The following SEL1L2 variants were observed in gnomAD, a reference collection of about 807,000 sequenced individuals.
SEL1L2 encodes SEL1L2 adaptor subunit of SYVN1 ubiquitin ligase, also known as protein sel-1 homolog 2.
Under a neutral mutation model 98.8 loss-of-function variants are expected in SEL1L2, and 89 were observed. The ratio of observed to expected loss-of-function variants is 0.90; its 90% CI spans 0.76 to 1.07. The LOEUF is 1.07. SEL1L2 is among the 50% of genes least tolerant of loss of function. The probability of loss-of-function intolerance (pLI) is 0.00; values close to 1 mark genes in which losing one functional copy is unlikely to be tolerated. For synonymous variants in SEL1L2, 262 were observed against 278.5 expected (o/e 0.94, Z 0.59); for missense variants, 788 against 812.0 (o/e 0.97, Z 0.36).
At chr20:13,951,360 A>G (rs2050261919) in intron 2 of SEL1L2, among the ~76,000 whole-genome samples, 1 of 139,110 alleles carries the variant, frequency 7.2e-6, no homozygotes, top group South Asian at 2.4e-4. Context: ...CACTCCTGTA[A>G]TCCCAGCACT....
chr20:13,865,484 A>G lies in SEL1L2; in HGVS notation c.1435T>C (p.Trp479Arg). The G allele has an allele frequency of 6.2e-7, 1 of 1,614,116 alleles. No homozygotes were observed. Among genetic ancestry groups the G allele is most frequent in the Non-Finnish European group, 8.5e-7 (1 of 1,179,986 alleles). Residue 479 changes from tryptophan (W) to arginine (R), a missense_variant, in exon 16 of 20, where the codon TGG (tryptophan) becomes CGG (arginine). Physicochemically the swap from Trp to Arg is moderately radical, Grantham distance 101 (BLOSUM62 -3). Coordinates refer to ENST00000284951, the MANE Select transcript of SEL1L2 (RefSeq NM_025229.2). ...TAAGCTGTCAGGAATTTCTCAGCCC[A>G]GTGGCCTAGTTCACAGACACCTTTA... ...LYKGVCELGH[W>R]AEKFLTAYFA...
chr20:13,923,305 C>T (rs2048740364), intron 3 of SEL1L2, among the ~76,000 whole-genome samples: 2 of 152,108 alleles, frequency 1.3e-5, no homozygotes, highest in African/African-American at 4.8e-5. Context: ...TGACACTTTC[C>T]AGACATAAAA....
chr20:13,951,396 C>T (rs1390631653), intron 2 of SEL1L2, among the ~76,000 whole-genome samples: 1 of 147,194 alleles, frequency 6.8e-6, no homozygotes, highest in Non-Finnish European at 1.5e-5. Context: ...AGATGGATCA[C>T]GAGGTCAGGA....
chr20:13,877,382 A>T, intron 11 of SEL1L2, 138 bp downstream of exon 11: 1 of 601,108 alleles, frequency 1.7e-6, no homozygotes, highest in South Asian at 2.2e-5. Flanking sequence ...CGTGTTGCCC[A>T]GGCTGGTTGC....
intron 14 of SEL1L2, among the ~76,000 whole-genome samples, chr20:13,869,038 C>T (rs1241381380): frequency 6.6e-6 from 1 of 151,828 alleles, no homozygotes; most frequent in African/African-American, 2.4e-5. Flanking sequence ...CTTGGCTTTC[C>T]ATTCTTCTCA....
chr20:13,980,535 GA>G (rs1394089751), intron 1 of SEL1L2, among the ~76,000 whole-genome samples: 2 of 152,138 alleles, frequency 1.3e-5, no homozygotes, highest in Non-Finnish European at 2.9e-5. Flanking sequence ...TATACACTGT[GA>G]GTGGGAATAT....
chr20:13,929,940 G>A (rs909236262), intron 3 of SEL1L2, among the ~76,000 whole-genome samples: 4 of 152,148 alleles, frequency 2.6e-5, no homozygotes, highest in African/African-American at 9.7e-5. Context: ...ACAGGCACAT[G>A]CCACCACACC....
intron 1 of SEL1L2, among the ~76,000 whole-genome samples, chr20:13,965,956 C>CAAAA (rs199731856): frequency 3.1e-3 from 338 of 110,238 alleles, no homozygotes; most frequent in Middle Eastern, 0.011. Context: ...GATTCTGTCT[C>CAAAA]AAAAAAAAAA....
intron 1 of SEL1L2, among the ~76,000 whole-genome samples, chr20:13,960,274 T>G (rs1394699423): frequency 1.3e-5 from 2 of 152,144 alleles, no homozygotes; most frequent in Admixed American, 1.3e-4. Flanking sequence ...AGATATTAAA[T>G]GGAGTGAAGT....
chr20:13,938,503 C>T (rs370526779), intron 2 of SEL1L2, among the ~76,000 whole-genome samples: 22 of 152,288 alleles, frequency 1.4e-4, no homozygotes, highest in African/African-American at 5.1e-4. Context: ...AAACAACACA[C>T]AATTTAACTT....
intron 2 of SEL1L2, among the ~76,000 whole-genome samples, chr20:13,945,705 A>T (rs2049976993): frequency 6.6e-6 from 1 of 152,084 alleles, no homozygotes; most frequent in Non-Finnish European, 1.5e-5. Flanking sequence ...AATATTAGCA[A>T]ACTGAATTCA....
intron 1 of SEL1L2, among the ~76,000 whole-genome samples, chr20:13,957,946 A>G (rs539633577): frequency 3.3e-5 from 5 of 152,282 alleles, no homozygotes; most frequent in Non-Finnish European, 5.9e-5. Flanking sequence ...TCTTTTAAAG[A>G]CGATACATAT....
intron 5 of SEL1L2, among the ~76,000 whole-genome samples, chr20:13,909,969 TC>T (rs1374655452): frequency 6.6e-6 from 1 of 152,064 alleles, no homozygotes; most frequent in Admixed American, 6.5e-5. Context: ...AGACTCTGTC[TC>T]AAAAAACCAA....
chr20:13,887,300 A>C (rs2047001303), intron 8 of SEL1L2, among the ~76,000 whole-genome samples: 2 of 152,304 alleles, frequency 1.3e-5, no homozygotes, highest in African/African-American at 4.8e-5. Context: ...ATAATGCCAA[A>C]GATGTGTGCT....
intron 5 of SEL1L2, among the ~76,000 whole-genome samples, chr20:13,907,795 T>G (rs1352555822): frequency 1.3e-5 from 2 of 150,416 alleles, no homozygotes; most frequent in Non-Finnish European, 3.0e-5. Context: ...AGGGACACGG[T>G]CTGGTTCTGT....
intron 13 of SEL1L2, 75 bp from the exon 14 acceptor site, chr20:13,869,665 A>C: frequency 9.2e-7 from 1 of 1,085,774 alleles, no homozygotes; most frequent in Non-Finnish European, 1.4e-6. Context: ...CCACTTCTTA[A>C]AAAGAGTATA....
intron 1 of SEL1L2, among the ~76,000 whole-genome samples, chr20:13,986,874 C>T (rs959218931): frequency 3.3e-5 from 5 of 152,184 alleles, no homozygotes; most frequent in African/African-American, 1.2e-4. Flanking sequence ...GCTCTGTCAC[C>T]CAGGCTGGAG....
intron 5 of SEL1L2, among the ~76,000 whole-genome samples, chr20:13,905,976 G>A (rs776790930): frequency 2.7e-5 from 4 of 149,160 alleles, no homozygotes; most frequent in African/African-American, 4.9e-5. Context: ...CCAGGTTCAA[G>A]CGATTCTCCT....
chr20:13,874,098 A>G (rs2046324595), intron 12 of SEL1L2, among the ~76,000 whole-genome samples: 1 of 152,156 alleles, frequency 6.6e-6, no homozygotes, highest in Admixed American at 6.5e-5. Flanking sequence ...GAGGCAGATG[A>G]CAAAAGTATG....
Sources: gnomAD v4.1 joint callset for allele counts (sites outside exome capture counted in the v4.1 genomes callset) on GRCh38, gnomAD v4.1.1 for gene constraint, MANE v1.5 for transcripts, NCBI Gene and HGNC (gene_info 2026-07-23, HGNC 2026-07-21) for gene names.